Variants in ZBTB8OS observed in about 807,000 individuals in gnomAD.
The protein encoded by ZBTB8OS is tRNA-splicing ligase-activating factor archease.
In ZBTB8OS, 16 loss-of-function variants were observed where a neutral mutation model predicts 29.3. That is an observed-to-expected ratio of 0.55 (90% confidence interval 0.37 to 0.83). The LOEUF is 0.83. ZBTB8OS is among the 40% of genes least tolerant of loss of function. The probability of loss-of-function intolerance (pLI) is 0.00; values close to 1 mark genes in which losing one functional copy is unlikely to be tolerated. For synonymous variants in ZBTB8OS, 70 were observed against 64.6 expected, an observed-to-expected ratio of 1.08 and a Z score of -0.40; for missense variants, 160 against 196.9, an observed-to-expected ratio of 0.81 and a Z score of 1.12.
At chr1:32,638,005 T>C (rs1646113688) in intron 1 of ZBTB8OS, among the ~76,000 whole-genome samples, 1 of 152,016 alleles carries the variant, frequency 6.6e-6, no homozygotes, top group Non-Finnish European at 1.5e-5. Context: ...GGCTAATTTT[T>C]TGTATTTTTT....
chr1:32,622,696 T>C (rs1166346232), intron 6 of ZBTB8OS, among the ~76,000 whole-genome samples: 1 of 150,984 alleles, frequency 6.6e-6, no homozygotes, highest in Admixed American at 6.6e-5. Flanking sequence ...AACTCGTATA[T>C]GTACCCCATG....
chr1:32,646,014 A>C (rs953431281), intron 1 of ZBTB8OS, among the ~76,000 whole-genome samples: 5 of 152,132 alleles, frequency 3.3e-5, no homozygotes, highest in African/African-American at 1.2e-4. Context: ...TAAGTACATC[A>C]TACTTCAATA....
At chr1:32,631,176 G>A (rs1310188947) in intron 5 of ZBTB8OS, among the ~76,000 whole-genome samples, 1 of 151,524 alleles carries the variant, frequency 6.6e-6, no homozygotes, top group Non-Finnish European at 1.5e-5. Flanking sequence ...GGCAACATGG[G>A]GAGACCCCAT....
chr1:32,622,099 A>G, intron 6 of ZBTB8OS, 151 bp from the exon 7 acceptor site: 1 of 587,856 alleles, frequency 1.7e-6, no homozygotes, highest in Non-Finnish European at 2.9e-6. Context: ...TCAAATTAGG[A>G]GAATATACAG....
chr1:32,648,495 G>A (rs1647023312), intron 1 of ZBTB8OS, among the ~76,000 whole-genome samples: 1 of 152,074 alleles, frequency 6.6e-6, no homozygotes, highest in African/African-American at 2.4e-5. Flanking sequence ...ACTGAAAATT[G>A]GTTAAAGCAA....
rs1644986763 is a variant in ZBTB8OS, at chr1:32,624,739, C to CA, written c.417+2768dup. 2.7e-5 allele frequency among the ~76,000 whole-genome samples: 4 copies of CA among 150,460 alleles called. No individual in the cohort carries two copies. In the South Asian group the frequency reaches 8.4e-4, roughly 32 times the overall value. ...TGAAACCCCACCTCTACTAAAAATACAAAAATTAGCCGGCTGTGGTGGCAT... is the reference window on the plus strand; with the variant it reads ...TGAAACCCCACCTCTACTAAAAATACAAAAAATTAGCCGGCTGTGGTGGCAT... On this transcript the variant is annotated intron_variant, in intron 6 of 6. Coordinates refer to ENST00000468695, the MANE Select transcript of ZBTB8OS (RefSeq NM_178547.5).
chr1:32,627,417 A>G (rs1472310213), intron 6 of ZBTB8OS, 91 bp downstream of exon 6: 1 of 1,137,208 alleles, frequency 8.8e-7, no homozygotes, highest in African/African-American at 1.5e-5. Flanking sequence ...ACTTTACACC[A>G]GTTAGAACTA....
At chr1:32,637,322 G>A (rs1196154288) in intron 1 of ZBTB8OS, among the ~76,000 whole-genome samples, 1 of 152,124 alleles carries the variant, frequency 6.6e-6, no homozygotes, top group Non-Finnish European at 1.5e-5. Context: ...CCAACACTTG[G>A]GGAGGCCGAG....
rs1265907710 is a variant in ZBTB8OS, at chr1:32,633,934, G to C, written c.244+17C>G. 1 of 1,554,962 alleles carries C rather than the reference G, an allele frequency of 6.4e-7. No individual in the cohort carries two copies. The highest frequency in any genetic ancestry group is 1.4e-5 in the African/African-American group (1 of 72,412). Reference sequence around the variant, plus strand: ...AGTACTGTATAACAATTTCTTCCTTGTGAATAAATCATTTACCTTGGGTTT... The same window carrying C: ...AGTACTGTATAACAATTTCTTCCTTCTGAATAAATCATTTACCTTGGGTTT... On this transcript the variant is annotated intron_variant, in intron 3 of 6. Transcript: ENST00000468695.
chr1:32,621,836 GTA>G lies in ZBTB8OS; in HGVS notation c.*24_*25del. 1 of 1,484,780 alleles carries G rather than the reference GTA, an allele frequency of 6.7e-7. No individual in the cohort carries two copies. Among genetic ancestry groups the G allele is most frequent in the Non-Finnish European group, 9.2e-7 (1 of 1,087,994 alleles). 92.0% of individuals were successfully genotyped at this position (1,484,780 alleles called of 1,614,324 possible). The stretch of plus-strand genomic sequence containing the variant: ...AAGAGGAAAACAAAAACAGTTCTTC[GTA>G]GGAGTCTTTTATTTTTTGGTGTCTT... On this transcript the variant is annotated 3_prime_UTR_variant, in exon 7 of 7. Coordinates refer to ENST00000468695, the MANE Select transcript of ZBTB8OS (RefSeq NM_178547.5).
chr1:32,648,945 T>C (rs1647060668), intron 1 of ZBTB8OS, among the ~76,000 whole-genome samples: 2 of 139,948 alleles, frequency 1.4e-5, no homozygotes, highest in Admixed American at 7.5e-5. Flanking sequence ...ATTACAGGCG[T>C]GAGCCACAGC....
chr1:32,629,671 C>T (rs1338468974), intron 5 of ZBTB8OS, among the ~76,000 whole-genome samples: 1 of 151,388 alleles, frequency 6.6e-6, no homozygotes, highest in African/African-American at 2.4e-5. Context: ...AAGATCACAA[C>T]GTGGTATAAT....
At chr1:32,625,946 C>T (rs1253345273) in intron 6 of ZBTB8OS, among the ~76,000 whole-genome samples, 1 of 151,626 alleles carries the variant, frequency 6.6e-6, no homozygotes, top group African/African-American at 2.4e-5. Flanking sequence ...GATCTCCGCT[C>T]ACTGCAACCT....
Position 32,642,047 on chromosome 1 carries a change from G to A in ZBTB8OS, c.98-7255C>T, listed in dbSNP as rs539066089. 2.0e-5 allele frequency among the ~76,000 whole-genome samples: 3 copies of A among 152,142 alleles called. No individual in the cohort carries two copies. In the South Asian group the frequency reaches 6.2e-4, roughly 32 times the overall value. On this transcript the variant is annotated intron_variant, in intron 1 of 6. Coordinates refer to ENST00000468695, the MANE Select transcript of ZBTB8OS (RefSeq NM_178547.5). ...CCAAATTCCTATCTAAGGGGTTTGG[G>A]GAGTCATGCCCTACAAATCACAAAT...
At chr1:32,633,512 C>T in intron 4 of ZBTB8OS, 133 bp downstream of exon 4, 1 of 636,194 alleles carries the variant, frequency 1.6e-6, no homozygotes, top group East Asian at 2.9e-5. Context: ...TCATTATAAT[C>T]TCTGCAAATC....
chr1:32,645,737 G>A (rs975905435), intron 1 of ZBTB8OS, among the ~76,000 whole-genome samples: 20 of 152,180 alleles, frequency 1.3e-4, no homozygotes, highest in African/African-American at 4.8e-4. Context: ...TTCAAGTGAT[G>A]CTCCCACCTC....
At chr1:32,648,963 CTTTTT>C (rs34143853) in intron 1 of ZBTB8OS, among the ~76,000 whole-genome samples, 2 of 58,746 alleles carry the variant, frequency 3.4e-5, no homozygotes, top group Non-Finnish European at 6.4e-5. Context: ...AGCACCAGGC[CTTTTT>C]TTTTTTTTTT....
chr1:32,643,259 A>T (rs1646572237), intron 1 of ZBTB8OS, among the ~76,000 whole-genome samples: 1 of 148,862 alleles, frequency 6.7e-6, no homozygotes, highest in South Asian at 2.1e-4. Flanking sequence ...TTTAGTAGAG[A>T]CGGGGGTTTC....
At position 32,621,704 on chromosome 1, in the gene ZBTB8OS, T is replaced by C; in HGVS notation, c.*158A>G. 4.8e-6 allele frequency: 3 copies of C among 622,114 alleles called. No homozygotes were observed. Among genetic ancestry groups the C allele is most frequent in the Non-Finnish European group, 8.3e-6 (3 of 362,070 alleles). The allele number at this position is 622,114 out of a possible 1,614,324, so 38.5% of individuals were successfully genotyped here. A position where few individuals can be genotyped will look rare whatever the true frequency, so the allele number is the denominator to read the frequency against. On this transcript the variant is annotated 3_prime_UTR_variant, in exon 7 of 7. Transcript: ENST00000468695. Reference sequence around the variant, plus strand: ...AACACAGACCAAGGCTGTGCCCTGATTTTCCCTTTCTGAAAGTCACACTTT... The same window carrying C: ...AACACAGACCAAGGCTGTGCCCTGACTTTCCCTTTCTGAAAGTCACACTTT...
Sources: gnomAD v4.1 joint callset for allele counts (sites outside exome capture counted in the v4.1 genomes callset) on GRCh38, gnomAD v4.1.1 for gene constraint, MANE v1.5 for transcripts, NCBI Gene and HGNC (gene_info 2026-07-23, HGNC 2026-07-21) for gene names.